Variants in RFX3 observed in about 807,000 individuals in gnomAD.
RFX3 encodes the protein regulatory factor X3, also known as transcription factor RFX3.
RFX3 carries 14 observed loss-of-function variants against 98.6 expected under a neutral mutation model. The observed-to-expected ratio is 0.14, with a 90% confidence interval of 0.09 to 0.22. RFX3 has a LOEUF of 0.22. Ranked by LOEUF, RFX3 falls within the 10% of genes least tolerant of loss-of-function variation. The pLI is 1.00. For missense variants in RFX3, 639 were observed against 926.9 expected (o/e 0.69, Z 4.03); for synonymous variants, 383 against 328.4 (o/e 1.17, Z -1.80).
At chr9:3,483,737 C>T (rs754561113) in intron 1 of RFX3, among the ~76,000 whole-genome samples, 12 of 152,138 alleles carry the variant, frequency 7.9e-5, no homozygotes, top group Non-Finnish European at 1.2e-4. Context: ...CCAATCTTGC[C>T]GTGGCAACAC....
At chr9:3,488,814 C>T (rs1015518903) in intron 1 of RFX3, 1 of 985,202 alleles carries the variant, frequency 1.0e-6, no homozygotes, top group Non-Finnish European at 1.2e-6. Flanking sequence ...ACAGCTTCAG[C>T]TTATTTCTCT....
At chr9:3,516,284 G>T (rs968092843) in intron 1 of RFX3, among the ~76,000 whole-genome samples, 1 of 151,982 alleles carries the variant, frequency 6.6e-6, no homozygotes, top group Non-Finnish European at 1.5e-5. Context: ...TCCTGACCTC[G>T]TGATCCACCC....
chr9:3,327,001 T>C (rs545651221), intron 4 of RFX3, among the ~76,000 whole-genome samples: 5 of 152,270 alleles, frequency 3.3e-5, no homozygotes, highest in Admixed American at 2.6e-4. Flanking sequence ...ATAGGTTATA[T>C]GTCGAACACT....
At chr9:3,494,534 G>A (rs1850967773) in intron 1 of RFX3, among the ~76,000 whole-genome samples, 1 of 152,134 alleles carries the variant, frequency 6.6e-6, no homozygotes. Flanking sequence ...GAAGAGATGA[G>A]CAACAGTGGC....
intron 1 of RFX3, among the ~76,000 whole-genome samples, chr9:3,504,186 T>TTATATATTA (rs551493922): frequency 2.1e-5 from 2 of 96,430 alleles, no homozygotes; most frequent in East Asian, 1.0e-3. Flanking sequence ...ATTATACATA[T>TTATATATTA]TATATATTAT....
chr9:3,308,193 G>C lies in RFX3; in HGVS notation c.475-6573C>G, dbSNP rs73381843. ...TCCTCCCTATGATTATCTAACGTTA[G>C]GATACATAGTGCTTGGGAATTAAGA... On this transcript the variant is annotated intron_variant, in intron 4 of 16. Coordinates refer to ENST00000617270, the MANE Select transcript of RFX3 (RefSeq NM_001282116.2). Among the ~76,000 whole-genome samples the C allele has an allele frequency of 9.8e-3, 1,488 of 152,142 alleles. 35 individuals carry two copies. Among genetic ancestry groups the C allele is most frequent in the African/African-American group, 0.033 (1,383 of 41,512 alleles).
chr9:3,376,459 G>A (rs1015291253), intron 2 of RFX3, among the ~76,000 whole-genome samples: 40 of 152,186 alleles, frequency 2.6e-4, no homozygotes, highest in Non-Finnish European at 5.3e-4. Flanking sequence ...TTGGTATAAT[G>A]AAACATTACT....
chr9:3,308,241 T>C (rs979528743), intron 4 of RFX3, among the ~76,000 whole-genome samples: 6 of 152,158 alleles, frequency 3.9e-5, no homozygotes, highest in Non-Finnish European at 7.3e-5. Context: ...GGTCCTGGAC[T>C]ACTGCCTCAC....
intron 15 of RFX3, among the ~76,000 whole-genome samples, chr9:3,240,235 A>C (rs903003208): frequency 6.6e-6 from 1 of 152,198 alleles, no homozygotes; most frequent in Non-Finnish European, 1.5e-5. Flanking sequence ...GATTTTATTT[A>C]TAGTCTGATT....
At chr9:3,490,087 T>C (rs1438866228) in intron 1 of RFX3, among the ~76,000 whole-genome samples, 2 of 152,122 alleles carry the variant, frequency 1.3e-5, no homozygotes, top group Non-Finnish European at 2.9e-5. Flanking sequence ...ACATATATAG[T>C]AGTGATAGAA....
chr9:3,371,208 T>A (rs1246712837), intron 2 of RFX3, among the ~76,000 whole-genome samples: 1 of 152,148 alleles, frequency 6.6e-6, no homozygotes, highest in Non-Finnish European at 1.5e-5. Context: ...TTTCAAAAAT[T>A]CAGATGTCTC....
chr9:3,468,946 T>C (rs537059957), intron 1 of RFX3, among the ~76,000 whole-genome samples: 1 of 152,216 alleles, frequency 6.6e-6, no homozygotes, highest in South Asian at 2.1e-4. Context: ...TGTATCCCTT[T>C]TCAAAACCAA....
At chr9:3,366,700 TTCTTTCTTTCTTTC>T (rs1837170513) in intron 2 of RFX3, among the ~76,000 whole-genome samples, 1 of 99,430 alleles carries the variant, frequency 1.0e-5, no homozygotes, top group Admixed American at 9.8e-5. Flanking sequence ...TTTCCTTTCT[TTCTTTCTTTCTTTC>T]TTTCTTTCTT....
intron 3 of RFX3, among the ~76,000 whole-genome samples, chr9:3,337,878 A>G (rs978930096): frequency 6.6e-6 from 1 of 152,206 alleles, no homozygotes; most frequent in Admixed American, 6.5e-5. Context: ...GAGTTTTTAC[A>G]TGGGCCACCA....
intron 4 of RFX3, among the ~76,000 whole-genome samples, chr9:3,321,982 A>G (rs1368897776): frequency 6.6e-6 from 1 of 152,066 alleles, no homozygotes; most frequent in Non-Finnish European, 1.5e-5. Flanking sequence ...TCTTTCATTT[A>G]CTAGTCTATT....
intron 8 of RFX3, among the ~76,000 whole-genome samples, chr9:3,277,129 G>C (rs1436018481): frequency 6.6e-6 from 1 of 151,886 alleles, no homozygotes; most frequent in Non-Finnish European, 1.5e-5. Flanking sequence ...ACGCATAAAA[G>C]TCCTATATAG....
rs974720801 is a variant in RFX3 at position 3,224,788 on chromosome 9, A to T, written c.*254T>A. On this transcript the variant is annotated 3_prime_UTR_variant, in exon 17 of 17. Coordinates refer to ENST00000617270, the MANE Select transcript of RFX3 (RefSeq NM_001282116.2). ...TATAAGAAAACAAAACATTGACATTAAGTGTTGTAAAAATCCTTCTTGACA... is the reference window on the plus strand; with the variant it reads ...TATAAGAAAACAAAACATTGACATTTAGTGTTGTAAAAATCCTTCTTGACA... 3 of 361,340 alleles carry T rather than the reference A, an allele frequency of 8.3e-6. No homozygotes were observed. The highest frequency in any genetic ancestry group is 6.3e-5 in the African/African-American group (3 of 47,982). The allele number at this position is 361,340 out of a possible 1,614,324, so 22.4% of individuals were successfully genotyped here. A position where few individuals can be genotyped will look rare whatever the true frequency, so the allele number is the denominator to read the frequency against.
chr9:3,235,475 T>G (rs1819021937), intron 15 of RFX3, among the ~76,000 whole-genome samples: 1 of 152,202 alleles, frequency 6.6e-6, no homozygotes, highest in Non-Finnish European at 1.5e-5. Flanking sequence ...CTGCAACAAA[T>G]CACCACAGTT....
chr9:3,393,868 T>C (rs934133774), intron 2 of RFX3, among the ~76,000 whole-genome samples: 1 of 152,184 alleles, frequency 6.6e-6, no homozygotes, highest in Non-Finnish European at 1.5e-5. Context: ...AAAAATTACC[T>C]ATTGGGTACA....
Sources: allele counts gnomAD v4.1 joint callset (sites outside exome capture counted in the v4.1 genomes callset), GRCh38; gene constraint gnomAD v4.1.1; transcripts MANE v1.5; gene names NCBI Gene and HGNC (gene_info 2026-07-23, HGNC 2026-07-21).